PHKA1: variants seen among roughly 807,000 people sequenced by gnomAD.
PHKA1 encodes the protein phosphorylase kinase regulatory subunit alpha 1.
In PHKA1, 60 loss-of-function variants were observed where a neutral mutation model predicts 110.2. The observed-to-expected ratio is 0.54, with a 90% CI of 0.44 to 0.68. The LOEUF (loss-of-function observed/expected upper bound fraction) is 0.68, where lower values mean the gene tolerates loss of function less well. Among genes scored for constraint, PHKA1 ranks in the 30% least tolerant of loss-of-function variants. The probability of loss-of-function intolerance (pLI) is 0.00; values close to 1 mark genes in which losing one functional copy is unlikely to be tolerated. For synonymous variants in PHKA1, 316 were observed against 333.6 expected, an observed-to-expected ratio of 0.95 and a Z score of 0.58; for missense variants, 801 against 942.5, an observed-to-expected ratio of 0.85 and a Z score of 1.97.
rs1177353235 is a variant in PHKA1, at chrX:72,644,504, A to G, written c.1325-8T>C. On this transcript the variant is annotated splice_region_variant and splice_polypyrimidine_tract_variant and intron_variant, in intron 13 of 31. Coordinates refer to ENST00000373542, the MANE Select transcript of PHKA1 (RefSeq NM_002637.4). ...TTTCAGCTAGAATGGAGACTAGAGG[A>G]GACAAAGAAGATGAGGTCAACAGAA... 4 of 1,201,354 alleles carry G rather than the reference A, an allele frequency of 3.3e-6. No homozygotes were observed. Among genetic ancestry groups the G allele is most frequent in the Middle Eastern group, 2.3e-4 (1 of 4,336 alleles).
In PHKA1 at chrX:72,610,892, C is replaced by T. The variant is rs2052799018; in HGVS notation, c.2526+136G>A. ...ACTTGTCATTCACAAACTAAAAGAA[C>T]TGAATATCAAATTTTATGTGGAAAA... On this transcript the variant is annotated intron_variant, in intron 22 of 31. Transcript: ENST00000373542. The T allele has an allele frequency of 1.1e-5, 5 of 474,883 alleles. No homozygotes were observed. In the South Asian group the frequency reaches 1.7e-4, roughly 16 times the overall value. 39.1% of individuals were successfully genotyped at this position (474,883 alleles called of 1,213,427 possible).
At chrX:72,674,997 A>G (rs1388631993) in intron 6 of PHKA1, among the ~76,000 whole-genome samples, 5 of 106,798 alleles carry the variant, frequency 4.7e-5, no homozygotes, top group Admixed American at 2.0e-4. Flanking sequence ...CAGCCTCGTC[A>G]ACATGGCAAA....
At chrX:72,712,371 T>C in intron 2 of PHKA1, 1 of 183,375 alleles carries the variant, frequency 5.5e-6, no homozygotes, top group Non-Finnish European at 1.0e-5. Flanking sequence ...ATTCATGTCA[T>C]TTACCCTCAT....
intron 2 of PHKA1, among the ~76,000 whole-genome samples, chrX:72,711,261 A>C (rs1024187452): frequency 3.6e-5 from 4 of 111,909 alleles, no homozygotes; most frequent in Non-Finnish European, 5.6e-5. Context: ...GTCAAATTGT[A>C]CCAGATATGA....
intron 5 of PHKA1, 63 bp from the exon 6 acceptor site, chrX:72,676,213 G>A: frequency 1.2e-6 from 1 of 850,000 alleles, no homozygotes; most frequent in African/African-American, 2.0e-5. Context: ...CCTAGATGCA[G>A]GAAGTGTTTA....
At chrX:72,681,294 A>G (rs1396295774) in intron 5 of PHKA1, among the ~76,000 whole-genome samples, 13 of 89,919 alleles carry the variant, frequency 1.4e-4, no homozygotes, top group African/African-American at 4.1e-4. Flanking sequence ...CCTGGCAACC[A>G]CCCCGTCTGA....
Position 72,602,146 on chromosome X carries a change from G to A in PHKA1, c.3033+12C>T. On this transcript the variant is annotated intron_variant, in intron 27 of 31. Coordinates refer to ENST00000373542, the MANE Select transcript of PHKA1 (RefSeq NM_002637.4). Reference sequence around the variant, plus strand: ...GGCAATATCCCAGCTAATCTCCCAGGTAGTATCTTACCTGCTTTATCTCAC... The same window carrying A: ...GGCAATATCCCAGCTAATCTCCCAGATAGTATCTTACCTGCTTTATCTCAC... 1 of 1,130,499 alleles carries A rather than the reference G, an allele frequency of 8.8e-7. No individual in the cohort carries two copies. Among genetic ancestry groups the A allele is most frequent in the Non-Finnish European group, 1.2e-6 (1 of 822,178 alleles). 93.2% of individuals were successfully genotyped at this position (1,130,499 alleles called of 1,213,427 possible).
intron 5 of PHKA1, among the ~76,000 whole-genome samples, chrX:72,682,244 G>T (rs1284855990): frequency 1.1e-5 from 1 of 93,380 alleles, no homozygotes; most frequent in African/African-American, 3.9e-5. Flanking sequence ...AGGTTGGGGG[G>T]TCAGCCCCCC....
intron 12 of PHKA1, among the ~76,000 whole-genome samples, chrX:72,651,088 T>C (rs2053423738): frequency 8.9e-6 from 1 of 112,168 alleles, no homozygotes; most frequent in Non-Finnish European, 1.9e-5. Flanking sequence ...GATTAGATGA[T>C]TAGATCACAC....
At chrX:72,586,513 C>A (rs1196891362) in intron 29 of PHKA1, among the ~76,000 whole-genome samples, 1 of 111,266 alleles carries the variant, frequency 9.0e-6, no homozygotes, top group Non-Finnish European at 1.9e-5. Flanking sequence ...AAACCCAGAG[C>A]GCCTCTTCTC....
chrX:72,684,708 C>A (rs2053948956), intron 4 of PHKA1, 128 bp from the exon 5 acceptor site: 3 of 494,284 alleles, frequency 6.1e-6, no homozygotes, highest in Admixed American at 2.9e-5. Context: ...CAATGGAAGG[C>A]ACTTTGATCT....
chrX:72,644,872 C>T (rs1368594306), intron 13 of PHKA1, among the ~76,000 whole-genome samples: 1 of 111,417 alleles, frequency 9.0e-6, no homozygotes, highest in Non-Finnish European at 1.9e-5. Context: ...AACCTAAGGT[C>T]AGAGCCAGGT....
chrX:72,652,702 T>G (rs1556299562), intron 11 of PHKA1, 51 bp from the exon 12 acceptor site: 1 of 727,157 alleles, frequency 1.4e-6, no homozygotes, highest in Admixed American at 2.4e-5. Context: ...AGGTTTAAGA[T>G]ACTGGATAAT....
chrX:72,702,905 A>G (rs1834099358), intron 3 of PHKA1, among the ~76,000 whole-genome samples: 1 of 111,724 alleles, frequency 9.0e-6, no homozygotes, highest in East Asian at 2.8e-4. Flanking sequence ...GGAAAGACTT[A>G]TCAGAAACTC....
At chrX:72,653,890 A>G (rs1433325811) in intron 10 of PHKA1, among the ~76,000 whole-genome samples, 1 of 111,287 alleles carries the variant, frequency 9.0e-6, no homozygotes, top group Non-Finnish European at 1.9e-5. Context: ...TCCACTATGT[A>G]TATCTTAAGT....
chrX:72,629,576 T>G (rs2053134983), intron 16 of PHKA1, among the ~76,000 whole-genome samples: 1 of 112,131 alleles, frequency 8.9e-6, no homozygotes, highest in African/African-American at 3.2e-5. Context: ...TTTCCTTCCT[T>G]TTCTTTTCAG....
intron 16 of PHKA1, among the ~76,000 whole-genome samples, chrX:72,628,985 A>G (rs1195173520): frequency 8.9e-6 from 1 of 111,809 alleles, no homozygotes; most frequent in Non-Finnish European, 1.9e-5. Context: ...GCAAGCCTAA[A>G]TGAATTATTT....
Position 72,636,298 on chromosome X carries a change from A to G in PHKA1, c.1548T>C (p.Thr516=), listed in dbSNP as rs782225003. 1.4e-5 allele frequency: 17 copies of G among 1,187,309 alleles called. No individual in the cohort carries two copies. Among genetic ancestry groups the G allele is most frequent in the Non-Finnish European group, 1.8e-5 (16 of 874,455 alleles). ...GTSKLYDIRK[T]IFTFTPQFID... Reference sequence around the variant, plus strand: ...CCACCTGTGGAGTGAAAGTAAAGATAGTTTTCCGAATGTCATAGAGTTTTG... The same window carrying G: ...CCACCTGTGGAGTGAAAGTAAAGATGGTTTTCCGAATGTCATAGAGTTTTG... The change falls in exon 15 of 32, where the codon ACT becomes ACC. Residue 516 remains threonine, a synonymous_variant. Transcript: ENST00000373542.
In PHKA1 at chrX:72,580,620, A is replaced by C; in HGVS notation, c.*382T>G. On this transcript the variant is annotated 3_prime_UTR_variant, in exon 32 of 32. Coordinates refer to ENST00000373542, the MANE Select transcript of PHKA1 (RefSeq NM_002637.4). ...ACACAATAAAATCACAAAAAAGAAA[A>C]ACCAAGCTTTAGGAATAAGTTATTA... 4.8e-6 allele frequency: 1 copy of C among 207,595 alleles called. No individual in the cohort carries two copies. Among genetic ancestry groups the C allele is most frequent in the Non-Finnish European group, 8.8e-6 (1 of 114,222 alleles). The allele number at this position is 207,595 out of a possible 1,213,427, so 17.1% of individuals were successfully genotyped here.
Sources: allele counts gnomAD v4.1 joint callset (sites outside exome capture counted in the v4.1 genomes callset), GRCh38; gene constraint gnomAD v4.1.1; transcripts MANE v1.5; gene names NCBI Gene and HGNC (gene_info 2026-07-23, HGNC 2026-07-21).